GTPBP1: variants seen among roughly 807,000 people sequenced by gnomAD.
The protein encoded by GTPBP1 is GTP binding protein 1.
A neutral mutation model predicts 62.0 loss-of-function variants in GTPBP1; 23 were observed. That is an observed-to-expected ratio of 0.37 (90% CI 0.27 to 0.53). The LOEUF is 0.53. Among genes scored for constraint, GTPBP1 ranks in the 20% least tolerant of loss-of-function variants. The pLI is 0.89. For synonymous variants in GTPBP1, 344 were observed against 364.4 expected, an observed-to-expected ratio of 0.94 and a Z score of 0.64; for missense variants, 640 against 917.3, an observed-to-expected ratio of 0.70 and a Z score of 3.90.
downstream of GTPBP1, chr22:38,735,396 A>T (rs1287289565): frequency 2.8e-6 from 1 of 357,320 alleles, no homozygotes; most frequent in Non-Finnish European, 5.5e-6. Flanking sequence ...CATGCTCCCC[A>T]CTCTTCTTGC....
rs746703827 is a variant in GTPBP1, at chr22:38,728,132, C to T, written c.1687C>T (p.Arg563Cys). ...IDQRLVFREG[R>C]TKAVGTITKL... ...CCAGCGGCTGGTGTTCCGGGAAGGC[C>T]GCACCAAGGCTGTCGGCACCATCAC... The change falls in exon 10 of 12, where the codon CGC becomes TGC. Residue 563 changes from arginine (R) to cysteine (C), a missense_variant. Transcript: ENST00000216044. The T allele has an allele frequency of 2.5e-6, 4 of 1,613,756 alleles. No homozygotes were observed. The highest frequency in any genetic ancestry group is 3.4e-6 in the Non-Finnish European group (4 of 1,179,742).
At chr22:38,734,216 A>G, downstream of GTPBP1, 1 of 429,104 alleles carries the variant, frequency 2.3e-6, no homozygotes, top group South Asian at 1.7e-5. Flanking sequence ...ATCAGGCTAG[A>G]GAACCACGCG....
At chr22:38,710,633 T>C (rs1442708128) in intron 2 of GTPBP1, among the ~76,000 whole-genome samples, 1 of 152,090 alleles carries the variant, frequency 6.6e-6, no homozygotes, top group Non-Finnish European at 1.5e-5. Context: ...AAAAAAACAT[T>C]CCATTTGTTG....
chr22:38,715,853 A>G (rs1303029804), intron 2 of GTPBP1, 54 bp from the exon 3 acceptor site: 21 of 1,477,040 alleles, frequency 1.4e-5, no homozygotes, highest in Non-Finnish European at 1.8e-5. Context: ...GCTGGTTGGC[A>G]GGCTGGTTGG....
At position 38,733,449 on chromosome 22, in the gene GTPBP1, G is replaced by T. The variant is rs750455175; in HGVS notation, c.*2745G>T. On this transcript the variant is annotated 3_prime_UTR_variant, in exon 12 of 12. Transcript: ENST00000216044. ...GCCAGGCCCACACCTGCCAGCAGGG[G>T]GCTGACTGGATCCATGCTTTACTGT... 6.6e-6 allele frequency: 1 copy of T among 152,324 alleles called. No individual in the cohort carries two copies. Among genetic ancestry groups the T allele is most frequent in the Non-Finnish European group, 1.5e-5 (1 of 68,104 alleles). 9.4% of individuals were successfully genotyped at this position (152,324 alleles called of 1,614,324 possible).
intron 2 of GTPBP1, among the ~76,000 whole-genome samples, chr22:38,710,141 T>C (rs1183504474): frequency 6.6e-6 from 1 of 152,280 alleles, no homozygotes; most frequent in Non-Finnish European, 1.5e-5. Context: ...AGAAACACTT[T>C]TCTTTGCTGA....
chr22:38,740,195 T>C, downstream of GTPBP1: 1 of 1,451,742 alleles, frequency 6.9e-7, no homozygotes, highest in Non-Finnish European at 9.1e-7. The surrounding 1 kb of genome is among the most constrained non-coding windows in gnomAD (Gnocchi z 4.8). Context: ...GGTGCTGCTT[T>C]GCAGGCCCCA....
chr22:38,715,468 A>G (rs2092664254), intron 2 of GTPBP1, among the ~76,000 whole-genome samples: 1 of 152,156 alleles, frequency 6.6e-6, no homozygotes, highest in Non-Finnish European at 1.5e-5. Flanking sequence ...CTAGCTTGGC[A>G]TCAGCCCTTT....
chr22:38,706,117 C>T lies in GTPBP1; in HGVS notation c.162C>T (p.Asn54=). ...SDCSEDGEAL[N]GEPELDLTSK... is the part of the protein sequence containing the mutation. ...GCAGCGAGGACGGCGAGGCGCTCAA[C>T]GGCGAGCCAGAGCTGGACCTCACCA... Residue 54 remains asparagine, a synonymous_variant, in exon 1 of 12, where the codon AAC becomes AAT. Transcript: ENST00000216044. 1 of 1,303,570 alleles carries T rather than the reference C, an allele frequency of 7.7e-7. No homozygotes were observed. The highest frequency in any genetic ancestry group is 9.8e-7 in the Non-Finnish European group (1 of 1,025,120). 80.8% of individuals were successfully genotyped at this position (1,303,570 alleles called of 1,614,324 possible).
At chr22:38,735,691 T>G (rs1045233974), downstream of GTPBP1, 5 of 164,606 alleles carry the variant, frequency 3.0e-5, no homozygotes, top group African/African-American at 1.2e-4. Context: ...TACACACTTT[T>G]GTCGAAGGCC....
chr22:38,718,443 A>G (rs1241010275), intron 4 of GTPBP1, among the ~76,000 whole-genome samples: 1 of 152,222 alleles, frequency 6.6e-6, no homozygotes, highest in Admixed American at 6.5e-5. Context: ...TTATAGTCCC[A>G]TGGCATTTGA....
At chr22:38,734,971 A>G, downstream of GTPBP1, 2 of 283,204 alleles carry the variant, frequency 7.1e-6, no homozygotes, top group South Asian at 6.1e-5. Context: ...CAGCCAGACC[A>G]CCAGACACAG....
rs1344625901 is a variant in GTPBP1, at chr22:38,716,838, A to T, written c.672A>T (p.Val224=). Residue 224 remains valine (V), a synonymous_variant, in exon 4 of 12, where the codon GTA becomes GTT. Transcript: ENST00000216044. This position sits in a 1 kb window ranked among gnomAD's most constrained non-coding sequence, Gnocchi z 5.2. ...DILGFDSEGN[V]VNKPDSHGGS... ...TGGGCTTTGACAGTGAAGGCAATGTAGTGAACAAGCCTGACAGCCACGGCG... is the reference window on the plus strand; with the variant it reads ...TGGGCTTTGACAGTGAAGGCAATGTTGTGAACAAGCCTGACAGCCACGGCG... The T allele has an allele frequency of 6.2e-7, 1 of 1,614,094 alleles. No individual in the cohort carries two copies. The highest frequency in any genetic ancestry group is 1.1e-5 in the South Asian group (1 of 91,084).
At chr22:38,742,157 AAAAG>A (rs1477213039), downstream of GTPBP1, 49 of 1,129,356 alleles carry the variant, frequency 4.3e-5, no homozygotes, top group African/African-American at 6.3e-5. Context: ...AGAAAAAAAA[AAAAG>A]AAAAAAAGAG....
chr22:38,726,050 T>C lies in GTPBP1; in HGVS notation c.1118T>C (p.Leu373Pro), dbSNP rs1178430673. ...ATCTCCAACGTTACAGGCGAGAACC[T>C]AGATCTGCTGAAGATGTTCCTCAAC... The part of the protein sequence containing the change: ...FQISNVTGEN[L>P]DLLKMFLNLL... Residue 373 changes from leucine (L) to proline (P), a missense_variant, in exon 7 of 12, where the codon CTA becomes CCA. Physicochemically the swap from Leu to Pro is moderately conservative, Grantham distance 98. Coordinates refer to ENST00000216044, the MANE Select transcript of GTPBP1 (RefSeq NM_004286.5). This position sits in a 1 kb window ranked among gnomAD's most constrained non-coding sequence, Gnocchi z 4.1. 1 of 1,613,828 alleles carries C rather than the reference T, an allele frequency of 6.2e-7. No individual in the cohort carries two copies. Among genetic ancestry groups the C allele is most frequent in the Non-Finnish European group, 8.5e-7 (1 of 1,179,862 alleles).
Position 38,723,276 on chromosome 22 carries a change from T to A in GTPBP1, c.959-1021T>A, listed in dbSNP as rs114901221. 3.3e-6 allele frequency: 3 copies of A among 918,416 alleles called. No individual in the cohort carries two copies. In the Admixed American group the frequency reaches 5.1e-5, roughly 16 times the overall value. The allele number at this position is 918,416 out of a possible 1,614,324, so 56.9% of individuals were successfully genotyped here. On this transcript the variant is annotated intron_variant, in intron 5 of 11. Coordinates refer to ENST00000216044, the MANE Select transcript of GTPBP1 (RefSeq NM_004286.5). ...AGGTCTTTGAACTCTCCATTGACAA[T>A]GGCTGTACCCTTAAAATAGGGTGCA...
At chr22:38,713,984 G>C (rs553367332) in intron 2 of GTPBP1, among the ~76,000 whole-genome samples, 1 of 152,290 alleles carries the variant, frequency 6.6e-6, no homozygotes, top group Admixed American at 6.5e-5. Flanking sequence ...GGAGGAAACA[G>C]AACAGGGCCA....
At chr22:38,719,069 A>G (rs1053281199) in intron 4 of GTPBP1, among the ~76,000 whole-genome samples, 1 of 152,018 alleles carries the variant, frequency 6.6e-6, no homozygotes, top group Non-Finnish European at 1.5e-5. Context: ...GCAGTTGTGC[A>G]ATCTCAGTTC....
intron 6 of GTPBP1, chr22:38,725,236 G>A (rs2092721085): frequency 1.3e-5 from 2 of 152,284 alleles, no homozygotes; most frequent in South Asian, 4.1e-4. Context: ...TAGGAGCTGT[G>A]GGGAATGTGT....
Sources: gnomAD v4.1 joint callset for allele counts (sites outside exome capture counted in the v4.1 genomes callset) on GRCh38, gnomAD v4.1.1 for gene constraint, Gnocchi (gnomAD v3.1) non-coding constraint, MANE v1.5 for transcripts, NCBI Gene and HGNC (gene_info 2026-07-23, HGNC 2026-07-21) for gene names.